NRXN1: variants seen among roughly 807,000 people sequenced by gnomAD.
NRXN1 encodes neurexin-1.
A neutral mutation model predicts 150.9 loss-of-function variants in NRXN1; 39 were observed. The ratio of observed to expected loss-of-function variants is 0.26; its 90% CI spans 0.20 to 0.34. The LOEUF is 0.34. NRXN1 is among the 10% of genes least tolerant of loss of function. The pLI is 1.00. For synonymous variants in NRXN1, 924 were observed against 757.0 expected, an observed-to-expected ratio of 1.22 and a Z score of -3.62; for missense variants, 1,815 against 1,949.9, an observed-to-expected ratio of 0.93 and a Z score of 1.30.
intron 21 of NRXN1, among the ~76,000 whole-genome samples, chr2:50,012,100 T>C (rs1685770070): frequency 6.6e-6 from 1 of 152,108 alleles, no homozygotes; most frequent in African/African-American, 2.4e-5. Flanking sequence ...TCCCCCCATC[T>C]TCATAAGGTT....
intron 17 of NRXN1, among the ~76,000 whole-genome samples, chr2:50,367,392 T>C (rs1454569666): frequency 3.1e-4 from 47 of 152,024 alleles, no homozygotes; most frequent in Admixed American, 3.1e-3. Context: ...TCCCAGGTAA[T>C]ACAACTACAT....
At chr2:50,644,493 C>G (rs955237094) in intron 5 of NRXN1, among the ~76,000 whole-genome samples, 4 of 151,546 alleles carry the variant, frequency 2.6e-5, no homozygotes, top group Admixed American at 2.0e-4. Context: ...AAATAAGCAA[C>G]CCCTGGAGGA....
intron 21 of NRXN1, among the ~76,000 whole-genome samples, chr2:50,031,514 TAC>T (rs1689178436): frequency 6.6e-6 from 1 of 152,126 alleles, no homozygotes; most frequent in South Asian, 2.1e-4. Flanking sequence ...CAGTGTAAAG[TAC>T]AGTCATTTAG....
At chr2:49,939,860 T>C (rs770822052) in intron 22 of NRXN1, among the ~76,000 whole-genome samples, 4 of 152,174 alleles carry the variant, frequency 2.6e-5, no homozygotes, top group Non-Finnish European at 2.9e-5. Context: ...AGTAGGTATA[T>C]AGTGACACTC....
At chr2:50,795,836 T>C (rs1275798778) in intron 5 of NRXN1, among the ~76,000 whole-genome samples, 1 of 149,672 alleles carries the variant, frequency 6.7e-6, no homozygotes, top group Non-Finnish European at 1.5e-5. Flanking sequence ...ATTTGTTACA[T>C]GCATTTTTTT....
intron 21 of NRXN1, chr2:49,970,339 G>T (rs530446635): frequency 4.6e-5 from 7 of 151,984 alleles, no homozygotes; most frequent in Non-Finnish European, 7.4e-5. Context: ...AGGAGCAAAT[G>T]GAAACGGGTA....
chr2:50,027,170 C>T (rs535229030), intron 21 of NRXN1, among the ~76,000 whole-genome samples: 2 of 152,174 alleles, frequency 1.3e-5, no homozygotes, highest in East Asian at 3.9e-4. Flanking sequence ...GCGTGAGCCA[C>T]TGCACCTGGC....
At chr2:50,833,478 A>G (rs1671688608) in intron 5 of NRXN1, among the ~76,000 whole-genome samples, 2 of 152,234 alleles carry the variant, frequency 1.3e-5, no homozygotes, top group African/African-American at 4.8e-5. Flanking sequence ...AATAAAAAGG[A>G]GCAATCTATT....
chr2:50,691,607 C>A (rs1692085101), intron 5 of NRXN1, among the ~76,000 whole-genome samples: 1 of 152,136 alleles, frequency 6.6e-6, no homozygotes. Context: ...ATCAGAGTTG[C>A]TGCTTTTGCA....
intron 17 of NRXN1, among the ~76,000 whole-genome samples, chr2:50,293,429 C>T (rs2073183828): frequency 6.6e-6 from 1 of 152,144 alleles, no homozygotes; most frequent in South Asian, 2.1e-4. Context: ...CCATGATAGA[C>T]TACACGGATG....
chr2:50,750,150 T>C (rs897578351), intron 5 of NRXN1, among the ~76,000 whole-genome samples: 2 of 151,900 alleles, frequency 1.3e-5, no homozygotes, highest in Admixed American at 6.6e-5. Flanking sequence ...ACTAAAACAA[T>C]AATAATAATA....
chr2:50,938,547 A>C (rs1403804035), intron 2 of NRXN1, among the ~76,000 whole-genome samples: 2 of 152,126 alleles, frequency 1.3e-5, no homozygotes, highest in African/African-American at 4.8e-5. Flanking sequence ...ATTTTTGGGT[A>C]TCTTTATAGC....
chr2:50,752,748 A>G (rs890639456), intron 5 of NRXN1, among the ~76,000 whole-genome samples: 5 of 151,810 alleles, frequency 3.3e-5, no homozygotes, highest in African/African-American at 1.2e-4. Context: ...CATCCATTTT[A>G]CTTTATTCCA....
At chr2:50,300,565 G>C (rs1260891713) in intron 17 of NRXN1, among the ~76,000 whole-genome samples, 1 of 152,176 alleles carries the variant, frequency 6.6e-6, no homozygotes, top group Non-Finnish European at 1.5e-5. Context: ...GAATTTTTCA[G>C]TCTCCCTTGC....
intron 17 of NRXN1, among the ~76,000 whole-genome samples, chr2:50,439,835 AG>A (rs149447708): frequency 0.04 from 6,037 of 151,664 alleles, 146 homozygotes; most frequent in South Asian, 0.047. Context: ...AAAAAAGAAA[AG>A]AAAGATTACT....
At chr2:50,612,950 T>C (rs1302318364) in intron 8 of NRXN1, among the ~76,000 whole-genome samples, 1 of 152,200 alleles carries the variant, frequency 6.6e-6, no homozygotes, top group African/African-American at 2.4e-5. Flanking sequence ...ATTTAAGTAC[T>C]GACACTATTA....
At chr2:49,986,714 C>T (rs891045290) in intron 21 of NRXN1, among the ~76,000 whole-genome samples, 2 of 152,122 alleles carry the variant, frequency 1.3e-5, no homozygotes, top group Admixed American at 1.3e-4. Context: ...TAATCTCACA[C>T]ATTTATCATG....
At position 50,347,834 on chromosome 2, in the gene NRXN1, C is replaced by T; in HGVS notation, c.3365-110864G>A. On this transcript the variant is annotated intron_variant, in intron 17 of 22. Transcript: ENST00000401669. This position sits in a 1 kb window ranked among gnomAD's most constrained non-coding sequence, Gnocchi z 4.9. ...GTCTCCAAACAGCAAATCACTGAAG[C>T]TCGGATGCAATGCAGAGGACGAGCC... 1.0e-6 allele frequency: 1 copy of T among 985,566 alleles called. No homozygotes were observed. Among genetic ancestry groups the T allele is most frequent in the Non-Finnish European group, 1.2e-6 (1 of 830,026 alleles). 61.1% of individuals were successfully genotyped at this position (985,566 alleles called of 1,614,324 possible). A position where few individuals can be genotyped will look rare whatever the true frequency, so the allele number is the denominator to read the frequency against.
intron 18 of NRXN1, among the ~76,000 whole-genome samples, chr2:50,103,018 G>C (rs1005260458): frequency 1.3e-5 from 2 of 152,132 alleles, no homozygotes; most frequent in Admixed American, 6.6e-5. Flanking sequence ...TTTCCAATCA[G>C]AGAACAGAAA....
Sources: allele counts gnomAD v4.1 joint callset (sites outside exome capture counted in the v4.1 genomes callset), GRCh38; gene constraint gnomAD v4.1.1; non-coding constraint Gnocchi (gnomAD v3.1); transcripts MANE v1.5; gene names NCBI Gene and HGNC (gene_info 2026-07-23, HGNC 2026-07-21).